The following SPATA32 variants were observed in gnomAD, a reference collection of about 807,000 sequenced individuals.
The protein encoded by SPATA32 is spermatogenesis associated 32.
SPATA32 carries 28 observed loss-of-function variants against 35.4 expected under a neutral mutation model. The observed-to-expected ratio is 0.79, with a 90% confidence interval of 0.59 to 1.09. The LOEUF is 1.09. SPATA32 is among the 50% of genes least tolerant of loss of function. SPATA32 has a pLI of 0.00. For synonymous variants in SPATA32, 168 were observed against 196.3 expected, an observed-to-expected ratio of 0.86 and a Z score of 1.20; for missense variants, 409 against 475.9, an observed-to-expected ratio of 0.86 and a Z score of 1.31.
In SPATA32 at chr17:45,255,558, C is replaced by T; in HGVS notation, c.624G>A (p.Gln208=). The change falls in exon 4 of 5, where the codon CAG becomes CAA. Residue 208 remains glutamine (Q), a synonymous_variant. Transcript: ENST00000331780. This position sits in a 1 kb window ranked among gnomAD's most constrained non-coding sequence, Gnocchi z 5.4. The part of the protein sequence containing the change: ...TNALCSEEQL[Q]IPDAHSAPPT... ...GAGGAGCTGAGTGGGCATCAGGGAT[C>T]TGGAGCTGCTCCTCGGAGCACAGGG... 6.2e-7 allele frequency: 1 copy of T among 1,614,106 alleles called. No individual in the cohort carries two copies. Among genetic ancestry groups the T allele is most frequent in the Non-Finnish European group, 8.5e-7 (1 of 1,180,022 alleles).
chr17:45,256,050 C>T lies in SPATA32; in HGVS notation c.132G>A (p.Gln44=). The part of the protein sequence containing the change: ...EQELEADMLE[Q]KPQLQVDLDL... ...CCAGGTCCACTTGGAGTTGGGGCTT[C>T]TGCTCTAGCATGTCTGCCTCCAGCT... The change falls in exon 4 of 5, where the codon CAG becomes CAA. Residue 44 remains glutamine, a synonymous_variant. Coordinates refer to ENST00000331780, the MANE Select transcript of SPATA32 (RefSeq NM_152343.3). The surrounding 1 kb of genome is among the most constrained non-coding windows in gnomAD (Gnocchi z 4.7). The T allele has an allele frequency of 6.2e-7, 1 of 1,607,820 alleles. No individual in the cohort carries two copies. Among genetic ancestry groups the T allele is most frequent in the Non-Finnish European group, 8.5e-7 (1 of 1,176,864 alleles).
rs2043956329 is a variant in SPATA32, at chr17:45,256,255, T to C, written c.108+121A>G. 2 of 1,209,430 alleles carry C rather than the reference T, an allele frequency of 1.7e-6. No homozygotes were observed. The highest frequency in any genetic ancestry group is 2.4e-6 in the Non-Finnish European group (2 of 816,420). 74.9% of individuals were successfully genotyped at this position (1,209,430 alleles called of 1,614,324 possible). The stretch of plus-strand genomic sequence containing the variant: ...CGGTGAGGGGGTGTGTGTGTGGGTG[T>C]ACCCACACCGGCCTGGTACTAGGGT... On this transcript the variant is annotated intron_variant, in intron 3 of 4. Coordinates refer to ENST00000331780, the MANE Select transcript of SPATA32 (RefSeq NM_152343.3). This position sits in a 1 kb window ranked among gnomAD's most constrained non-coding sequence, Gnocchi z 4.7.
chr17:45,259,458 A>G (rs1009950920), intron 1 of SPATA32, among the ~76,000 whole-genome samples: 2 of 152,218 alleles, frequency 1.3e-5, no homozygotes, highest in African/African-American at 4.8e-5. Flanking sequence ...GTTATAATAC[A>G]TTAACATATG....
Position 45,256,748 on chromosome 17 carries a change from A to T in SPATA32, c.69-333T>A, listed in dbSNP as rs551883570. ...AGGTGAGCTGGGGCAACTCACTTCG[A>T]GGATTAGTGCCCAGAACACTAGTCC... On this transcript the variant is annotated intron_variant, in intron 2 of 4. Coordinates refer to ENST00000331780, the MANE Select transcript of SPATA32 (RefSeq NM_152343.3). The surrounding 1 kb of genome is among the most constrained non-coding windows in gnomAD (Gnocchi z 4.7). 6.5e-4 allele frequency among the ~76,000 whole-genome samples: 99 copies of T among 152,212 alleles called. 2 individuals carry two copies. In the South Asian group the frequency reaches 0.017, roughly 26 times the overall value.
rs199785055 is a variant in SPATA32 at position 45,255,605 on chromosome 17, G to T, written c.577C>A (p.Arg193=). ...AGGGCGTTGGTGGGGATGGCCTCCC[G>T]GAGCGGGGATCTGATGGGCTGGCCT... ...SAGQPIRSPL[R]EAIPTNALCS... The change falls in exon 4 of 5, where the codon CGG becomes AGG. Residue 193 remains arginine, a synonymous_variant. Coordinates refer to ENST00000331780, the MANE Select transcript of SPATA32 (RefSeq NM_152343.3). The surrounding 1 kb of genome is among the most constrained non-coding windows in gnomAD (Gnocchi z 5.4). The T allele has an allele frequency of 6.8e-5, 110 of 1,613,866 alleles. No homozygotes were observed. The highest frequency in any genetic ancestry group is 8.6e-5 in the Non-Finnish European group (102 of 1,180,026).
intron 1 of SPATA32, chr17:45,260,560 C>T (rs2043996549): frequency 6.6e-6 from 1 of 152,274 alleles, no homozygotes; most frequent in African/African-American, 2.4e-5. Flanking sequence ...CTACCCTATG[C>T]CCAGTTGGCC....
At position 45,255,220 on chromosome 17, in the gene SPATA32, T is replaced by G. The variant is rs769888653; in HGVS notation, c.962A>C (p.Tyr321Ser). The change falls in exon 4 of 5, where the codon TAC becomes TCC. Residue 321 changes from tyrosine to serine, a missense_variant. Coordinates refer to ENST00000331780, the MANE Select transcript of SPATA32 (RefSeq NM_152343.3). The surrounding 1 kb of genome is among the most constrained non-coding windows in gnomAD (Gnocchi z 5.4). ...SQEDKNFAQS[Y>S]FDFSKPGIKR... is the part of the protein sequence containing the mutation. ...GATCCCCGGCTTGCTGAAGTCAAAG[T>G]AAGATTGAGCGAAGTTCTTGTCTTC... The G allele has an allele frequency of 2.5e-6, 4 of 1,614,078 alleles. No homozygotes were observed. Among genetic ancestry groups the G allele is most frequent in the East Asian group, 2.2e-5 (1 of 44,884 alleles).
intron 4 of SPATA32, 21 bp from the exon 5 acceptor site, chr17:45,254,534 T>C: frequency 6.2e-7 from 1 of 1,612,210 alleles, no homozygotes. Context: ...AAAGAGAGAG[T>C]GTCACTTGGG....
rs1435690591 is a variant in SPATA32 at position 45,255,279 on chromosome 17, G to A, written c.903C>T (p.Arg301=). 17 of 1,614,194 alleles carry A rather than the reference G, an allele frequency of 1.1e-5. No individual in the cohort carries two copies. In the East Asian group the frequency reaches 1.1e-4, roughly 11 times the overall value. The part of the protein sequence containing the change: ...NHAETLPEKP[R]EARAPLKSWS... ...AAGATTTCAGTGGTGCTCTGGCTTC[G>A]CGTGGTTTCTCTGGCAGGGTCTCTG... Residue 301 remains arginine, a synonymous_variant, in exon 4 of 5, where the codon CGC becomes CGT. Coordinates refer to ENST00000331780, the MANE Select transcript of SPATA32 (RefSeq NM_152343.3). This position sits in a 1 kb window ranked among gnomAD's most constrained non-coding sequence, Gnocchi z 5.4.
chr17:45,255,502 AG>A lies in SPATA32; in HGVS notation c.679del (p.Leu227SerfsTer12). ...GGGTGGCGGGAGATCTGAGGACAGG[AG>A]GGGGCTTGGTGCCTGGGAGCTTGTG... ...PTTSSQAPSPLLSSDLPPPID... is the reference protein window; with the variant it reads ...PTTSSQAPSPXLSSDLPPPID... On this transcript the variant is annotated frameshift_variant, in exon 4 of 5. Transcript: ENST00000331780. LOFTEE classifies it high-confidence loss of function. The surrounding 1 kb of genome is among the most constrained non-coding windows in gnomAD (Gnocchi z 5.4). 2.5e-6 allele frequency: 4 copies of A among 1,613,928 alleles called. No homozygotes were observed. Among genetic ancestry groups the A allele is most frequent in the Non-Finnish European group, 3.4e-6 (4 of 1,179,948 alleles).
chr17:45,262,050 G>C lies in SPATA32; in HGVS notation c.-34C>G, dbSNP rs532725593. The C allele has an allele frequency of 1.2e-5, 16 of 1,310,670 alleles. No individual in the cohort carries two copies. The South Asian group carries it at 4.4e-4, about 36-fold the overall frequency. 81.2% of individuals were successfully genotyped at this position (1,310,670 alleles called of 1,614,324 possible). A position where few individuals can be genotyped will look rare whatever the true frequency, so the allele number is the denominator to read the frequency against. On this transcript the variant is annotated 5_prime_UTR_variant, in exon 1 of 5. Transcript: ENST00000331780. ...AGGCTCTGTCCTGGAGGCGGGGAGC[G>C]GGCTGGTGGATGCTGCCTCTCCGCC...
chr17:45,257,281 C>CACCTCTTCCTG, intron 1 of SPATA32, 74 bp from the exon 2 acceptor site: 3 of 1,477,402 alleles, frequency 2.0e-6, no homozygotes, highest in Middle Eastern at 1.8e-4. Flanking sequence ...CGGAGCCAGC[C>CACCTCTTCCTG]CCCTTTTCCT....
chr17:45,261,110 T>TTTTG (rs2044003041), intron 1 of SPATA32: 4 of 151,400 alleles, frequency 2.6e-5, no homozygotes, highest in Admixed American at 2.6e-4. Context: ...TTTTTTTTTT[T>TTTTG]TTTTGACAGG....
At chr17:45,257,646 C>T (rs2043970449) in intron 1 of SPATA32, among the ~76,000 whole-genome samples, 1 of 152,150 alleles carries the variant, frequency 6.6e-6, no homozygotes, top group Non-Finnish European at 1.5e-5. Context: ...CTCCCTGCCC[C>T]CACCGGCTAC....
chr17:45,254,902 C>G (rs1213062479), intron 4 of SPATA32: 1 of 606,838 alleles, frequency 1.6e-6, no homozygotes, highest in East Asian at 2.8e-5. Context: ...CCCCAGGCCT[C>G]CTCCAGCCCT....
chr17:45,257,234 G>A (rs1368430654), intron 1 of SPATA32, 27 bp from the exon 2 acceptor site: 1 of 1,594,060 alleles, frequency 6.3e-7, no homozygotes, highest in East Asian at 2.3e-5. Flanking sequence ...GGTGAGGGCA[G>A]GGAGCTGCAG....
intron 1 of SPATA32, among the ~76,000 whole-genome samples, chr17:45,258,888 G>A (rs1379196761): frequency 1.3e-5 from 2 of 152,060 alleles, no homozygotes; most frequent in Non-Finnish European, 2.9e-5. Context: ...TGCCTGCCTC[G>A]GCCTCCCAAA....
chr17:45,256,739 C>G lies in SPATA32; in HGVS notation c.69-324G>C, dbSNP rs1455092835. 2.0e-5 allele frequency among the ~76,000 whole-genome samples: 3 copies of G among 152,178 alleles called. No individual in the cohort carries two copies. The highest frequency in any genetic ancestry group is 2.0e-4 in the Admixed American group (3 of 15,280). ...AAGCACTGCAGGTGAGCTGGGGCAA[C>G]TCACTTCGAGGATTAGTGCCCAGAA... On this transcript the variant is annotated intron_variant, in intron 2 of 4. Transcript: ENST00000331780. This position sits in a 1 kb window ranked among gnomAD's most constrained non-coding sequence, Gnocchi z 4.7.
At position 45,260,310 on chromosome 17, in the gene SPATA32, C is replaced by T. The variant is rs972138434; in HGVS notation, c.13+1694G>A. Among the ~76,000 whole-genome samples, 3 of 152,008 alleles carry T rather than the reference C, an allele frequency of 2.0e-5. 1 individual carries two copies. Among genetic ancestry groups the T allele is most frequent in the African/African-American group, 7.3e-5 (3 of 41,352 alleles). ...GGCTGCCACGGTTCTGCCTGTCTGA[C>T]CCCTGTCTCCCTTTCTAGTCTGTCA... On this transcript the variant is annotated intron_variant, in intron 1 of 4. Coordinates refer to ENST00000331780, the MANE Select transcript of SPATA32 (RefSeq NM_152343.3).
Sources: gnomAD v4.1 joint callset for allele counts (sites outside exome capture counted in the v4.1 genomes callset) on GRCh38, gnomAD v4.1.1 for gene constraint, Gnocchi (gnomAD v3.1) non-coding constraint, MANE v1.5 for transcripts, NCBI Gene and HGNC (gene_info 2026-07-23, HGNC 2026-07-21) for gene names.